The following PASD1 variants were observed in gnomAD, a reference collection of about 807,000 sequenced individuals.
PASD1 encodes circadian clock protein PASD1.
PASD1 carries 13 observed loss-of-function variants against 58.8 expected under a neutral mutation model. The observed-to-expected ratio is 0.22, with a 90% CI of 0.14 to 0.35. The LOEUF (loss-of-function observed/expected upper bound fraction) is 0.35. Among genes scored for constraint, PASD1 ranks in the 10% least tolerant of loss-of-function variants. The probability of loss-of-function intolerance (pLI) is 1.00; values close to 1 mark genes in which losing one functional copy is unlikely to be tolerated. For synonymous variants in PASD1, 236 were observed against 216.7 expected (o/e 1.09, Z -0.78); for missense variants, 734 against 568.3 (o/e 1.29, Z -2.96).
At chrX:151,583,728 C>T (rs887389454) in intron 1 of PASD1, among the ~76,000 whole-genome samples, 2 of 111,956 alleles carry the variant, frequency 1.8e-5, no homozygotes, top group Non-Finnish European at 3.8e-5. Flanking sequence ...GAGACTGTGG[C>T]ATCTTCATCT....
At chrX:151,567,040 G>A (rs896907068) in intron 1 of PASD1, among the ~76,000 whole-genome samples, 6 of 92,787 alleles carry the variant, frequency 6.5e-5, no homozygotes, top group South Asian at 5.1e-4. Flanking sequence ...GTGAAACTCC[G>A]TCTCAAAATA....
intron 2 of PASD1, among the ~76,000 whole-genome samples, chrX:151,604,240 A>C (rs1250313228): frequency 1.8e-5 from 2 of 111,940 alleles, no homozygotes; most frequent in African/African-American, 6.5e-5. Flanking sequence ...GAAGCTAAAG[A>C]GTGGAATTTC....
chrX:151,658,418 G>A (rs1284832733), intron 9 of PASD1, among the ~76,000 whole-genome samples: 3 of 112,085 alleles, frequency 2.7e-5, no homozygotes, highest in South Asian at 3.7e-4. Flanking sequence ...TGATAAGCCC[G>A]AACATACGAA....
intron 11 of PASD1, among the ~76,000 whole-genome samples, chrX:151,668,585 C>T (rs762382271): frequency 2.1e-4 from 23 of 111,343 alleles, no homozygotes; most frequent in African/African-American, 3.9e-4. Flanking sequence ...AACACCTCTA[C>T]GCAAATAAAC....
chrX:151,634,089 T>C (rs1254090862), intron 8 of PASD1, among the ~76,000 whole-genome samples: 2 of 111,962 alleles, frequency 1.8e-5, no homozygotes, highest in East Asian at 5.6e-4. Flanking sequence ...TTTAGCTCCA[T>C]TGCCATTTTT....
At chrX:151,651,542 A>C (rs761668721) in intron 9 of PASD1, among the ~76,000 whole-genome samples, 93 of 112,006 alleles carry the variant, frequency 8.3e-4, no homozygotes, top group Non-Finnish European at 1.4e-3. Flanking sequence ...CTTGCAAATG[A>C]GAGTCCAGGA....
intron 1 of PASD1, among the ~76,000 whole-genome samples, chrX:151,564,270 A>T (rs1319883962): frequency 8.9e-6 from 1 of 112,687 alleles, no homozygotes; most frequent in East Asian, 2.8e-4. Flanking sequence ...CGTCTCCATT[A>T]CCACAGTCGG....
intron 1 of PASD1, among the ~76,000 whole-genome samples, chrX:151,580,389 G>A (rs115654760): frequency 0.049 from 5,421 of 111,334 alleles, 118 homozygotes; most frequent in African/African-American, 0.087. Flanking sequence ...TTCCACAAAC[G>A]AGTCTCTACT....
chrX:151,628,425 T>G (rs1414120866), intron 8 of PASD1, among the ~76,000 whole-genome samples: 4 of 112,314 alleles, frequency 3.6e-5, no homozygotes, highest in South Asian at 3.7e-4. Flanking sequence ...TATACATATG[T>G]CTAGCCAGTT....
intron 3 of PASD1, among the ~76,000 whole-genome samples, chrX:151,608,842 T>C (rs184988060): frequency 1.1e-4 from 12 of 111,711 alleles, no homozygotes; most frequent in African/African-American, 3.9e-4. Flanking sequence ...TCAAATTTAT[T>C]GGCATAAAGT....
intron 1 of PASD1, among the ~76,000 whole-genome samples, chrX:151,586,067 T>C (rs994758924): frequency 9.0e-6 from 1 of 111,569 alleles, no homozygotes; most frequent in African/African-American, 3.3e-5. Flanking sequence ...TGGGGCTTCA[T>C]GTACAACCCA....
At chrX:151,565,271 T>G (rs1160056789) in intron 1 of PASD1, among the ~76,000 whole-genome samples, 3 of 112,294 alleles carry the variant, frequency 2.7e-5, no homozygotes, top group Non-Finnish European at 5.6e-5. Context: ...TCCACCAAAC[T>G]AAAGAGAATG....
chrX:151,673,827 A>G (rs753861936), intron 14 of PASD1, 101 bp from the exon 15 acceptor site: 46 of 1,058,162 alleles, frequency 4.3e-5, no homozygotes, highest in Non-Finnish European at 5.6e-5. Flanking sequence ...TGTAGCCACC[A>G]AAACCAAATG....
At chrX:151,612,644 G>A (rs1200952933) in intron 4 of PASD1, among the ~76,000 whole-genome samples, 3 of 110,770 alleles carry the variant, frequency 2.7e-5, no homozygotes, top group Admixed American at 9.6e-5. Context: ...CATATCCTTC[G>A]CCCACTTGTT....
intron 1 of PASD1, among the ~76,000 whole-genome samples, chrX:151,576,136 A>G (rs1239036473): frequency 7.3e-5 from 8 of 109,380 alleles, no homozygotes. Flanking sequence ...TCAAAGTGCT[A>G]GGATTACAGA....
At chrX:151,660,451 C>A (rs1405934569) in intron 10 of PASD1, among the ~76,000 whole-genome samples, 1 of 111,918 alleles carries the variant, frequency 8.9e-6, no homozygotes, top group Non-Finnish European at 1.9e-5. Context: ...TTTAGTATCT[C>A]CAACTTTTAA....
In PASD1 at chrX:151,604,599, C is replaced by T. The variant is rs201272975; in HGVS notation, c.29-47C>T. On this transcript the variant is annotated intron_variant, in intron 2 of 15. Coordinates refer to ENST00000370357, the MANE Select transcript of PASD1 (RefSeq NM_173493.3). ...GAAAAATCTAATACCCATAGCTAAT[C>T]ATTTTAATGTGACACTGTTCTGTAC... is the stretch of plus-strand genomic sequence containing the variant. 4.2e-6 allele frequency: 4 copies of T among 945,074 alleles called. No individual in the cohort carries two copies. The South Asian group carries it at 6.4e-5, about 15-fold the overall frequency. The allele number at this position is 945,074 out of a possible 1,213,427, so 77.9% of individuals were successfully genotyped here.
At chrX:151,653,453 A>G (rs879229149) in intron 9 of PASD1, among the ~76,000 whole-genome samples, 2 of 110,175 alleles carry the variant, frequency 1.8e-5, no homozygotes, top group African/African-American at 6.6e-5. Flanking sequence ...CGGCCTCCCA[A>G]AGTGCTGGGA....
intron 1 of PASD1, among the ~76,000 whole-genome samples, chrX:151,574,702 G>A (rs762699582): frequency 1.8e-5 from 2 of 112,482 alleles, no homozygotes; most frequent in South Asian, 7.4e-4. Context: ...GTATGCTCCA[G>A]AGGCAAAAAT....
Sources: gnomAD v4.1 joint callset for allele counts (sites outside exome capture counted in the v4.1 genomes callset) on GRCh38, gnomAD v4.1.1 for gene constraint, MANE v1.5 for transcripts, NCBI Gene and HGNC (gene_info 2026-07-23, HGNC 2026-07-21) for gene names.